Variants in GAS2 observed in about 807,000 individuals in gnomAD.
GAS2 encodes the protein growth arrest specific 2.
GAS2 carries 20 observed loss-of-function variants against 37.5 expected under a neutral mutation model. The ratio of observed to expected loss-of-function variants is 0.53; its 90% CI spans 0.37 to 0.77. The LOEUF is 0.77. Ranked by LOEUF, GAS2 falls within the 30% of genes least tolerant of loss-of-function variation. The pLI, the probability that GAS2 is intolerant of heterozygous loss-of-function variation, is 0.00. For synonymous variants in GAS2, 144 were observed against 132.2 expected, an observed-to-expected ratio of 1.09 and a Z score of -0.61; for missense variants, 336 against 373.4, an observed-to-expected ratio of 0.90 and a Z score of 0.82.
chr11:22,785,650 T>G (rs1855784746), intron 7 of GAS2, among the ~76,000 whole-genome samples: 2 of 152,076 alleles, frequency 1.3e-5, no homozygotes, highest in East Asian at 1.9e-4. Flanking sequence ...GTTTCTACCT[T>G]TTTTTTAAAC....
At chr11:22,793,165 T>C (rs1279897105) in intron 7 of GAS2, among the ~76,000 whole-genome samples, 1 of 151,932 alleles carries the variant, frequency 6.6e-6, no homozygotes, top group Non-Finnish European at 1.5e-5. Context: ...TCCCAGCTAC[T>C]AGAGAGCCTG....
chr11:22,697,022 C>T (rs1344984487), intron 3 of GAS2, among the ~76,000 whole-genome samples: 1 of 151,516 alleles, frequency 6.6e-6, no homozygotes, highest in African/African-American at 2.4e-5. Flanking sequence ...CTTGCCCATG[C>T]CTATGTCCTG....
intron 1 of GAS2, among the ~76,000 whole-genome samples, chr11:22,668,686 GT>G (rs1349602178): frequency 1.3e-5 from 2 of 152,324 alleles, no homozygotes; most frequent in East Asian, 1.9e-4. Flanking sequence ...CCCTAAGTAT[GT>G]TGTGTGTTAC....
rs1855342755 is a variant in GAS2, at chr11:22,777,861, G to C, written c.723+21908G>C. 2.0e-5 allele frequency among the ~76,000 whole-genome samples: 3 copies of C among 152,326 alleles called. No individual in the cohort carries two copies. In the South Asian group the frequency reaches 6.2e-4, roughly 32 times the overall value. On this transcript the variant is annotated intron_variant, in intron 7 of 7. Coordinates refer to ENST00000454584, the MANE Select transcript of GAS2 (RefSeq NM_001143830.3). ...AGTTTAAGCCAATTAATCTGGCAGA[G>C]GTTTGTATATACAATTGTAGGTGGA...
Position 22,714,180 on chromosome 11 carries a change from A to AGATATTCC in GAS2, c.268-12111_268-12104dup, listed in dbSNP as rs375064010. Among the ~76,000 whole-genome samples the AGATATTCC allele has an allele frequency of 5.4e-3, 823 of 152,312 alleles. 3 individuals carry two copies. The highest frequency in any genetic ancestry group is 7.3e-3 in the Non-Finnish European group (496 of 68,018). Reference sequence around the variant, plus strand: ...AAACTTAAGGTAAAAGAGTAGAAAAAGATATTCCATGCAAATGGAAACCAA... The same window carrying AGATATTCC: ...AAACTTAAGGTAAAAGAGTAGAAAAAGATATTCCGATATTCCATGCAAATGGAAACCAA... On this transcript the variant is annotated intron_variant, in intron 3 of 7. Transcript: ENST00000454584.
rs570219548 is a variant in GAS2 at position 22,763,243 on chromosome 11, A to G, written c.723+7290A>G. On this transcript the variant is annotated intron_variant, in intron 7 of 7. Transcript: ENST00000454584. The stretch of plus-strand genomic sequence containing the variant: ...TTCCTTAGCATAAAAATTCTTCAGG[A>G]TTATGCCTGTGTGGTAAAAATCAAC... Among the ~76,000 whole-genome samples the G allele has an allele frequency of 3.3e-5, 5 of 152,234 alleles. No homozygotes were observed. The East Asian group carries it at 9.7e-4, about 29-fold the overall frequency.
intron 7 of GAS2, among the ~76,000 whole-genome samples, chr11:22,809,125 C>T (rs996183345): frequency 1.3e-5 from 2 of 152,126 alleles, no homozygotes; most frequent in Non-Finnish European, 2.9e-5. Context: ...CAACATGGTA[C>T]TGTGACCGAA....
chr11:22,780,210 G>C (rs952743426), intron 7 of GAS2, among the ~76,000 whole-genome samples: 1 of 152,174 alleles, frequency 6.6e-6, no homozygotes, highest in African/African-American at 2.4e-5. Flanking sequence ...GTTGAGATTA[G>C]CTATGAGGGC....
chr11:22,734,293 G>A (rs1228206256), intron 4 of GAS2, among the ~76,000 whole-genome samples: 1 of 151,670 alleles, frequency 6.6e-6, no homozygotes, highest in Non-Finnish European at 1.5e-5. Flanking sequence ...TTTGTACTTA[G>A]CATCAACTTG....
intron 5 of GAS2, among the ~76,000 whole-genome samples, chr11:22,742,897 A>C (rs1194519381): frequency 6.6e-6 from 1 of 152,074 alleles, no homozygotes; most frequent in Non-Finnish European, 1.5e-5. Flanking sequence ...CAATTCACCT[A>C]ATTTAAGTTT....
chr11:22,696,466 G>T (rs1191651112), intron 3 of GAS2, among the ~76,000 whole-genome samples: 1 of 152,056 alleles, frequency 6.6e-6, no homozygotes, highest in African/African-American at 2.4e-5. Context: ...CCAGTAATGA[G>T]ATGGCTGGGT....
intron 1 of GAS2, among the ~76,000 whole-genome samples, chr11:22,667,685 C>T (rs1849038518): frequency 6.6e-6 from 1 of 152,058 alleles, no homozygotes; most frequent in Non-Finnish European, 1.5e-5. Context: ...TTAACTTAGC[C>T]CAGGTATCCG....
At chr11:22,645,193 T>C (rs959853654) in intron 1 of GAS2, among the ~76,000 whole-genome samples, 3 of 152,020 alleles carry the variant, frequency 2.0e-5, no homozygotes, top group Admixed American at 6.6e-5. Context: ...AAAGCAGTGA[T>C]ACTAATAAAG....
At chr11:22,669,442 A>G (rs1284096723) in intron 1 of GAS2, among the ~76,000 whole-genome samples, 2 of 152,174 alleles carry the variant, frequency 1.3e-5, no homozygotes, top group African/African-American at 4.8e-5. Context: ...ATTCCCATTC[A>G]GGTTTTTTTA....
At chr11:22,741,826 T>A (rs11823794) in intron 5 of GAS2, among the ~76,000 whole-genome samples, 1,611 of 152,258 alleles carry the variant, frequency 0.011, 21 homozygotes, top group African/African-American at 0.037. Flanking sequence ...GAAAAAATTA[T>A]CTTGCAGGAA....
chr11:22,767,360 A>T (rs531425714), intron 7 of GAS2, among the ~76,000 whole-genome samples: 78 of 152,004 alleles, frequency 5.1e-4, no homozygotes, highest in Admixed American at 1.3e-3. Context: ...GTTTTTTTTT[A>T]AAAAACTTTG....
At chr11:22,715,093 A>C (rs1851598746) in intron 3 of GAS2, among the ~76,000 whole-genome samples, 1 of 152,216 alleles carries the variant, frequency 6.6e-6, no homozygotes, top group Non-Finnish European at 1.5e-5. Context: ...CTTTGAAAGG[A>C]TAAACAAAAT....
intron 7 of GAS2, among the ~76,000 whole-genome samples, chr11:22,771,081 A>T (rs1854953276): frequency 6.6e-6 from 1 of 151,656 alleles, no homozygotes; most frequent in Non-Finnish European, 1.5e-5. Flanking sequence ...TCAGAAGTTA[A>T]TATTTTACTT....
At chr11:22,722,477 G>A (rs1370043213) in intron 3 of GAS2, among the ~76,000 whole-genome samples, 1 of 151,898 alleles carries the variant, frequency 6.6e-6, no homozygotes, top group Non-Finnish European at 1.5e-5. Flanking sequence ...TATGGACACT[G>A]TTGTACAATA....
Sources: allele counts gnomAD v4.1 joint callset (sites outside exome capture counted in the v4.1 genomes callset), GRCh38; gene constraint gnomAD v4.1.1; transcripts MANE v1.5; gene names NCBI Gene and HGNC (gene_info 2026-07-23, HGNC 2026-07-21).